The following RPS6KC1 variants were observed in gnomAD, a reference collection of about 807,000 sequenced individuals.
The protein encoded by RPS6KC1 is ribosomal protein S6 kinase C1.
RPS6KC1 carries 54 observed loss-of-function variants against 103.8 expected under a neutral mutation model. The ratio of observed to expected loss-of-function variants is 0.52; its 90% CI spans 0.42 to 0.65. The LOEUF (loss-of-function observed/expected upper bound fraction) is 0.65, where lower values mean the gene tolerates loss of function less well. RPS6KC1 is among the 30% of genes least tolerant of loss of function. RPS6KC1 has a pLI of 0.00. For missense variants in RPS6KC1, 1,151 were observed against 1,253.8 expected, an observed-to-expected ratio of 0.92 and a Z score of 1.24; for synonymous variants, 439 against 438.7, an observed-to-expected ratio of 1.00 and a Z score of -0.01.
At chr1:213,441,866 G>C in the RPS6KC1 span, among the ~76,000 whole-genome samples, 581 of 152,320 alleles carry the variant, frequency 3.8e-3, 9 homozygotes, top group African/African-American at 0.013. Context: ...AACACAAAAA[G>C]TGTTAAGTAT....
the RPS6KC1 span, among the ~76,000 whole-genome samples, chr1:213,694,779 G>A: frequency 6.6e-6 from 1 of 152,190 alleles, no homozygotes; most frequent in Admixed American, 6.5e-5. Context: ...AATGAATGCT[G>A]GACAGGCAGC....
the RPS6KC1 span, among the ~76,000 whole-genome samples, chr1:213,423,150 G>A: frequency 1.3e-5 from 2 of 152,206 alleles, no homozygotes; most frequent in East Asian, 1.9e-4. Flanking sequence ...CATCTGACAC[G>A]AATGTCATGT....
At chr1:213,485,743 G>A in the RPS6KC1 span, among the ~76,000 whole-genome samples, 2 of 152,258 alleles carry the variant, frequency 1.3e-5, no homozygotes, top group East Asian at 3.9e-4. Context: ...GTCTAGGGCA[G>A]CAACTCTGCT....
chr1:213,222,283 T>C (rs75656840), intron 8 of RPS6KC1, among the ~76,000 whole-genome samples: 2,906 of 152,304 alleles, frequency 0.019, 237 homozygotes, highest in Admixed American at 0.15. Flanking sequence ...CTTGGGTACC[T>C]TATATACTTT....
chr1:213,300,190 T>C, the RPS6KC1 span, among the ~76,000 whole-genome samples: 70,334 of 152,178 alleles, frequency 0.46, 19,053 homozygotes, highest in East Asian at 0.66. Context: ...AGAAAAACAC[T>C]TTACATTGCT....
At chr1:213,749,642 G>A in the RPS6KC1 span, among the ~76,000 whole-genome samples, 3 of 152,106 alleles carry the variant, frequency 2.0e-5, no homozygotes, top group South Asian at 2.1e-4. Context: ...AGAGCACCTC[G>A]GGGAGCACCT....
At chr1:213,564,866 C>T in the RPS6KC1 span, among the ~76,000 whole-genome samples, 1 of 152,190 alleles carries the variant, frequency 6.6e-6, no homozygotes, top group African/African-American at 2.4e-5. Context: ...GTGTAAGTTA[C>T]TGATATAGCT....
the RPS6KC1 span, chr1:213,819,685 CTTG>C: frequency 6.6e-6 from 1 of 152,202 alleles, no homozygotes; most frequent in Non-Finnish European, 1.5e-5. Flanking sequence ...GTGCACCATG[CTTG>C]GCACATAGAA....
chr1:213,179,396 C>G (rs2092112520), intron 8 of RPS6KC1, among the ~76,000 whole-genome samples: 1 of 146,262 alleles, frequency 6.8e-6, no homozygotes, highest in African/African-American at 2.5e-5. Flanking sequence ...GCCTGGGCAA[C>G]AGAGCCAGAC....
chr1:213,784,517 G>T, the RPS6KC1 span, among the ~76,000 whole-genome samples: 2 of 152,178 alleles, frequency 1.3e-5, no homozygotes, highest in Non-Finnish European at 2.9e-5. Context: ...AACTTCTGAT[G>T]ATTCTGATTT....
intron 5 of RPS6KC1, among the ~76,000 whole-genome samples, chr1:213,127,254 G>A (rs2085086684): frequency 6.6e-6 from 1 of 152,140 alleles, no homozygotes; most frequent in African/African-American, 2.4e-5. Context: ...TGATGCAAAA[G>A]CCATGGTAGG....
At chr1:213,094,471 A>G (rs1247341726) in intron 3 of RPS6KC1, among the ~76,000 whole-genome samples, 2 of 150,556 alleles carry the variant, frequency 1.3e-5, no homozygotes, top group Middle Eastern at 6.4e-3. Flanking sequence ...TTGATTTTTC[A>G]TAACACTGAC....
At chr1:213,161,070 T>A (rs954554698) in intron 6 of RPS6KC1, among the ~76,000 whole-genome samples, 25 of 152,320 alleles carry the variant, frequency 1.6e-4, no homozygotes, top group African/African-American at 6.0e-4. Context: ...ATTGAAGGTC[T>A]TCTACATGTA....
At chr1:213,728,500 A>G in the RPS6KC1 span, among the ~76,000 whole-genome samples, 11 of 152,298 alleles carry the variant, frequency 7.2e-5, no homozygotes, top group Admixed American at 7.2e-4. Flanking sequence ...CGTCCATGCC[A>G]GCCCTACCCG....
chr1:213,340,744 G>T, the RPS6KC1 span, among the ~76,000 whole-genome samples: 3 of 152,232 alleles, frequency 2.0e-5, no homozygotes. Context: ...TGGGAACAAT[G>T]ACCTTTCCTC....
intron 7 of RPS6KC1, among the ~76,000 whole-genome samples, chr1:213,174,198 T>C (rs184510616): frequency 2.0e-4 from 31 of 152,330 alleles, no homozygotes; most frequent in Admixed American, 8.5e-4. Context: ...AGCTTTAGAA[T>C]AGTAGTTGGA....
At chr1:213,175,664 C>G (rs2091816244) in intron 7 of RPS6KC1, among the ~76,000 whole-genome samples, 1 of 151,826 alleles carries the variant, frequency 6.6e-6, no homozygotes, top group Non-Finnish European at 1.5e-5. Context: ...GAATTTAAAT[C>G]TTCCTTCCTA....
intron 6 of RPS6KC1, among the ~76,000 whole-genome samples, chr1:213,130,890 C>T (rs1320618524): frequency 6.6e-6 from 1 of 151,902 alleles, no homozygotes; most frequent in Non-Finnish European, 1.5e-5. Flanking sequence ...TTCTTGATTC[C>T]CTTTTAGTAA....
the RPS6KC1 span, among the ~76,000 whole-genome samples, chr1:213,520,783 T>C: frequency 6.6e-6 from 1 of 152,186 alleles, no homozygotes; most frequent in Non-Finnish European, 1.5e-5. Flanking sequence ...GGTTTACTGG[T>C]GGATTTTCAA....
Sources: gnomAD v4.1 joint callset for allele counts (sites outside exome capture counted in the v4.1 genomes callset) on GRCh38, gnomAD v4.1.1 for gene constraint, MANE v1.5 for transcripts, NCBI Gene and HGNC (gene_info 2026-07-23, HGNC 2026-07-21) for gene names.